Variants in FBXO42 observed in about 807,000 individuals in gnomAD.
FBXO42 encodes F-box protein 42, also known as F-box only protein 42.
A neutral mutation model predicts 71.7 loss-of-function variants in FBXO42; 12 were observed. The observed-to-expected ratio is 0.17, with a 90% confidence interval of 0.11 to 0.27. The LOEUF (loss-of-function observed/expected upper bound fraction) is 0.27, where lower values mean the gene tolerates loss of function less well. Among genes scored for constraint, FBXO42 ranks in the 10% least tolerant of loss-of-function variants. FBXO42 has a pLI of 1.00. For synonymous variants in FBXO42, 325 were observed against 327.5 expected, an observed-to-expected ratio of 0.99 and a Z score of 0.08; for missense variants, 707 against 911.9, an observed-to-expected ratio of 0.78 and a Z score of 2.89.
chr1:16,266,511 C>G (rs2081775307), intron 4 of FBXO42, among the ~76,000 whole-genome samples: 1 of 152,172 alleles, frequency 6.6e-6, no homozygotes, highest in Non-Finnish European at 1.5e-5. Context: ...AACTCCAGCT[C>G]CACAGGCAGT....
In FBXO42 at chr1:16,297,247, C is replaced by G. The variant is rs887010128; in HGVS notation, c.368-2330G>C. Among the ~76,000 whole-genome samples, 16 of 152,094 alleles carry G rather than the reference C, an allele frequency of 1.1e-4. No homozygotes were observed. The South Asian group carries it at 1.9e-3, about 18-fold the overall frequency. On this transcript the variant is annotated intron_variant, in intron 3 of 9. Transcript: ENST00000375592. ...GTGAGAGCCAATGCGCCCAGCCCCCCACCTTCTTTTATTTTCCCTTAATTC... is the reference window on the plus strand; with the variant it reads ...GTGAGAGCCAATGCGCCCAGCCCCCGACCTTCTTTTATTTTCCCTTAATTC...
chr1:16,259,201 A>G (rs2081682433), intron 4 of FBXO42, among the ~76,000 whole-genome samples: 1 of 152,232 alleles, frequency 6.6e-6, no homozygotes, highest in Non-Finnish European at 1.5e-5. Flanking sequence ...TCTATCTCCT[A>G]GCCCAATTAG....
chr1:16,274,600 T>TG (rs1378565531), intron 4 of FBXO42, among the ~76,000 whole-genome samples: 1 of 117,868 alleles, frequency 8.5e-6, no homozygotes, highest in South Asian at 3.3e-4. Flanking sequence ...TTTTTTTTTT[T>TG]TTTTTTTTTT....
chr1:16,257,231 C>A (rs779818506), intron 4 of FBXO42, among the ~76,000 whole-genome samples: 19 of 152,116 alleles, frequency 1.2e-4, no homozygotes, highest in Non-Finnish European at 1.5e-5. Flanking sequence ...TGTCTGGATG[C>A]AACTTAAAAA....
rs34861558 is a variant in FBXO42 at position 16,270,674 on chromosome 1, C to CAAAAA, written c.503-13920_503-13916dup. Among the ~76,000 whole-genome samples the CAAAAA allele has an allele frequency of 3.1e-3, 46 of 14,902 alleles. 1 individual carries two copies. The highest frequency in any genetic ancestry group is 3.2e-3 in the Non-Finnish European group (27 of 8,518). 9.8% of individuals were successfully genotyped at this position (14,902 alleles called of 152,430 possible). A position where few individuals can be genotyped will look rare whatever the true frequency, so the allele number is the denominator to read the frequency against. On this transcript the variant is annotated intron_variant, in intron 4 of 9. Coordinates refer to ENST00000375592, the MANE Select transcript of FBXO42 (RefSeq NM_018994.3). ...AGCAATACAGAGAGACTCTGTCTCT[C>CAAAAA]AAAAAAAAAAAAAAAAAAAAAAGAA...
chr1:16,252,415 AAAAACC>A lies in FBXO42; in HGVS notation c.922-17_922-12del, dbSNP rs759463754. ...AGCATCCTTGAATAGCTGTAAGAGAAAAAACCAATAACAAGACTCAGGTGTGATATG... is the reference window on the plus strand; with the variant it reads ...AGCATCCTTGAATAGCTGTAAGAGAAAATAACAAGACTCAGGTGTGATATG... On this transcript the variant is annotated splice_polypyrimidine_tract_variant and intron_variant, in intron 8 of 9. Transcript: ENST00000375592. The surrounding 1 kb of genome is among the most constrained non-coding windows in gnomAD (Gnocchi z 4.4). 1.2e-6 allele frequency: 2 copies of A among 1,604,614 alleles called. No homozygotes were observed. The highest frequency in any genetic ancestry group is 2.7e-5 in the African/African-American group (2 of 74,858).
Position 16,331,579 on chromosome 1 carries a change from A to T in FBXO42, c.-17-16144T>A, listed in dbSNP as rs1213930431. Among the ~76,000 whole-genome samples the T allele has an allele frequency of 2.0e-5, 3 of 150,334 alleles. No homozygotes were observed. In the East Asian group the frequency reaches 5.9e-4, roughly 29 times the overall value. On this transcript the variant is annotated intron_variant, in intron 1 of 9. Coordinates refer to ENST00000375592, the MANE Select transcript of FBXO42 (RefSeq NM_018994.3). Reference sequence around the variant, plus strand: ...AGACCAGCCTGGCCAACATGGTGAAACCCTGTCTCTGCTAAAAATACAAAA... The same window carrying T: ...AGACCAGCCTGGCCAACATGGTGAATCCCTGTCTCTGCTAAAAATACAAAA...
chr1:16,300,416 ATC>A (rs1424681415), intron 3 of FBXO42, among the ~76,000 whole-genome samples: 3 of 152,224 alleles, frequency 2.0e-5, no homozygotes, highest in Non-Finnish European at 4.4e-5. Context: ...TTCTATAATC[ATC>A]TCAAGTGCAA....
chr1:16,347,814 C>T (rs1163270561), intron 1 of FBXO42, among the ~76,000 whole-genome samples: 2 of 151,932 alleles, frequency 1.3e-5, no homozygotes, highest in East Asian at 3.9e-4. Flanking sequence ...ACAGTGAAAC[C>T]CTGTCTTTAC....
chr1:16,297,269 A>C (rs987772403), intron 3 of FBXO42, among the ~76,000 whole-genome samples: 1 of 151,824 alleles, frequency 6.6e-6, no homozygotes, highest in African/African-American at 2.4e-5. Flanking sequence ...TTTTCCCTTA[A>C]TTCAGCCCTC....
At chr1:16,329,976 T>C (rs957198616) in intron 1 of FBXO42, among the ~76,000 whole-genome samples, 15 of 151,856 alleles carry the variant, frequency 9.9e-5, no homozygotes, top group Non-Finnish European at 2.1e-4. Context: ...AAGGGGGGAA[T>C]CTCCCCTGCA....
rs1351845495 is a variant in FBXO42 at position 16,247,380 on chromosome 1, C to G, written c.*3290G>C. On this transcript the variant is annotated 3_prime_UTR_variant, in exon 10 of 10. Transcript: ENST00000375592. ...ACAAGGACAAGGACAGACAGACAGACCAACCAGGAATACCACTTTTAAGGG... is the reference window on the plus strand; with the variant it reads ...ACAAGGACAAGGACAGACAGACAGAGCAACCAGGAATACCACTTTTAAGGG... 6.6e-6 allele frequency: 1 copy of G among 152,176 alleles called. No homozygotes were observed. Among genetic ancestry groups the G allele is most frequent in the Non-Finnish European group, 1.5e-5 (1 of 68,078 alleles). The allele number at this position is 152,176 out of a possible 1,614,324, so 9.4% of individuals were successfully genotyped here.
chr1:16,291,205 G>A (rs2082073917), intron 4 of FBXO42, among the ~76,000 whole-genome samples: 6 of 152,078 alleles, frequency 3.9e-5, no homozygotes, highest in Admixed American at 3.9e-4. Flanking sequence ...ACTAAAATGA[G>A]TGAGTCAGGT....
chr1:16,306,019 T>A, intron 2 of FBXO42, 100 bp from the exon 3 acceptor site: 1 of 909,450 alleles, frequency 1.1e-6, no homozygotes, highest in Non-Finnish European at 1.7e-6. Context: ...TTTATACAAG[T>A]TTCTTTTTTT....
At chr1:16,341,416 A>G (rs992658289) in intron 1 of FBXO42, among the ~76,000 whole-genome samples, 1 of 151,868 alleles carries the variant, frequency 6.6e-6, no homozygotes, top group African/African-American at 2.4e-5. Context: ...CCTGACCAAC[A>G]TGGTAAAACA....
At position 16,251,454 on chromosome 1, in the gene FBXO42, T is replaced by G. The variant is rs2081591010; in HGVS notation, c.1370A>C (p.Asp457Ala). 6.2e-7 allele frequency: 1 copy of G among 1,613,964 alleles called. No individual in the cohort carries two copies. Among genetic ancestry groups the G allele is most frequent in the Non-Finnish European group, 8.5e-7 (1 of 1,180,010 alleles). Residue 457 changes from aspartate (D) to alanine (A), a missense_variant, in exon 10 of 10, where the codon GAC becomes GCC. Asp to Ala is a moderately radical substitution (Grantham distance 126). Coordinates refer to ENST00000375592, the MANE Select transcript of FBXO42 (RefSeq NM_018994.3). The surrounding 1 kb of genome is among the most constrained non-coding windows in gnomAD (Gnocchi z 4.5). Reference protein sequence around the residue: ...GTAAVGGSSLDSPVQAISPST... With the variant: ...GTAAVGGSSLASPVQAISPST... Reference sequence around the variant, plus strand: ...TGGAGATATGGCCTGTACAGGACTGTCCAAAGAAGAGCCACCCACAGCTGC... The same window carrying G: ...TGGAGATATGGCCTGTACAGGACTGGCCAAAGAAGAGCCACCCACAGCTGC...
At chr1:16,312,559 G>T (rs75973375) in intron 2 of FBXO42, among the ~76,000 whole-genome samples, 4,046 of 152,208 alleles carry the variant, frequency 0.027, 182 homozygotes, top group African/African-American at 0.09. Flanking sequence ...TTTTAGGGCA[G>T]TGAAGCTATT....
chr1:16,271,856 A>G (rs1210974017), intron 4 of FBXO42, among the ~76,000 whole-genome samples: 1 of 151,540 alleles, frequency 6.6e-6, no homozygotes, highest in Admixed American at 6.6e-5. Context: ...AGTCCTCTGT[A>G]GGCTGGGCGC....
intron 3 of FBXO42, among the ~76,000 whole-genome samples, chr1:16,303,276 T>G (rs1039470401): frequency 1.3e-5 from 2 of 152,162 alleles, no homozygotes; most frequent in Non-Finnish European, 2.9e-5. Flanking sequence ...CAAGGCTAGT[T>G]GCATGTTTCA....
Sources: allele counts gnomAD v4.1 joint callset (sites outside exome capture counted in the v4.1 genomes callset), GRCh38; gene constraint gnomAD v4.1.1; non-coding constraint Gnocchi (gnomAD v3.1); transcripts MANE v1.5; gene names NCBI Gene and HGNC (gene_info 2026-07-23, HGNC 2026-07-21).